Variants in VPS35L observed in about 807,000 individuals in gnomAD.
The protein encoded by VPS35L is VPS35 endosomal protein sorting factor like, also known as VPS35 endosomal protein-sorting factor-like.
VPS35L carries 83 observed loss-of-function variants against 133.0 expected under a neutral mutation model. The observed-to-expected ratio is 0.62, with a 90% CI of 0.52 to 0.75. VPS35L has a LOEUF of 0.75. Ranked by LOEUF, VPS35L falls within the 30% of genes least tolerant of loss-of-function variation. VPS35L has a pLI of 0.00. For missense variants in VPS35L, 1,083 were observed against 1,206.8 expected, an observed-to-expected ratio of 0.90 and a Z score of 1.52; for synonymous variants, 423 against 449.9, an observed-to-expected ratio of 0.94 and a Z score of 0.76.
At chr16:19,644,669 C>CAGCATATTTGAGGGAGATGAGA in intron 22 of VPS35L, among the ~76,000 whole-genome samples, 1 of 152,092 alleles carries the variant, frequency 6.6e-6, no homozygotes, top group Non-Finnish European at 1.5e-5. Context: ...ATCTTGAGAA[C>CAGCATATTTGAGGGAGATGAGA]AGCATATTTG....
chr16:19,627,451 C>T (rs1221336168), intron 15 of VPS35L, among the ~76,000 whole-genome samples: 1 of 152,152 alleles, frequency 6.6e-6, no homozygotes, highest in African/African-American at 2.4e-5. Context: ...TCTGTCTATC[C>T]ACCCTGCCAT....
chr16:19,622,855 G>T (rs1399905429), intron 14 of VPS35L, among the ~76,000 whole-genome samples: 1 of 152,146 alleles, frequency 6.6e-6, no homozygotes, highest in Admixed American at 6.5e-5. Context: ...GGGTGCTTTT[G>T]GCTGCAAGGA....
chr16:19,635,962 T>C (rs940258065), intron 19 of VPS35L, among the ~76,000 whole-genome samples: 1 of 152,190 alleles, frequency 6.6e-6, no homozygotes, highest in African/African-American at 2.4e-5. Context: ...GATGGGCGGA[T>C]TGCTTGAGCC....
At chr16:19,684,855 G>A (rs778518143) in intron 28 of VPS35L, among the ~76,000 whole-genome samples, 58 of 152,068 alleles carry the variant, frequency 3.8e-4, no homozygotes, top group Middle Eastern at 3.2e-3. Flanking sequence ...TCAGGAGTTC[G>A]AGGCTAGCCT....
At chr16:19,621,313 G>GGACAT (rs1973073112) in intron 14 of VPS35L, among the ~76,000 whole-genome samples, 1 of 152,208 alleles carries the variant, frequency 6.6e-6, no homozygotes, top group Non-Finnish European at 1.5e-5. Flanking sequence ...GTGATTTCTA[G>GGACAT]GACATGGAAG....
chr16:19,694,216 T>C (rs565344208), intron 29 of VPS35L: 1 of 152,116 alleles, frequency 6.6e-6, no homozygotes, highest in Non-Finnish European at 1.5e-5. Flanking sequence ...ACACAAATAT[T>C]ATGTATCAAT....
rs200709240 is a variant in VPS35L, at chr16:19,591,811, A to G, written c.661A>G (p.Thr221Ala). 2.0e-4 allele frequency: 327 copies of G among 1,612,750 alleles called. 1 individual carries two copies. The highest frequency in any genetic ancestry group is 1.1e-3 in the Admixed American group (64 of 59,942). ...TTAGTGTTCAAAGCTTCTTTCAGAC[A>G]CCAGTGTTATTCAGTTCTACCCAAG... ...VIQCSKLLSD[T>A]SVIQFYPSKF... Residue 221 changes from threonine to alanine, a missense_variant, in exon 8 of 31, where the codon ACC (threonine) becomes GCC (alanine). Transcript: ENST00000417362.
At chr16:19,594,087 T>C (rs1972127207) in intron 8 of VPS35L, among the ~76,000 whole-genome samples, 1 of 152,194 alleles carries the variant, frequency 6.6e-6, no homozygotes, top group Non-Finnish European at 1.5e-5. Flanking sequence ...TCCCATCTTA[T>C]TGGCCTGGCT....
chr16:19,617,450 C>T (rs1266099521), intron 14 of VPS35L: 1 of 155,344 alleles, frequency 6.4e-6, no homozygotes, highest in Non-Finnish European at 1.4e-5. Context: ...TGCGTCTTCA[C>T]TTAACCTTCA....
rs1972922577 is a variant in VPS35L at position 19,617,158 on chromosome 16, C to T, written c.1224+350C>T. On this transcript the variant is annotated intron_variant, in intron 14 of 30. Transcript: ENST00000417362. ...ATCACTTGATTTTAGGAGTTTGAGA[C>T]GAGCTTTGGCAACATAGCAAAACTC... is the stretch of plus-strand genomic sequence containing the variant. 2.4e-5 allele frequency: 13 copies of T among 542,500 alleles called. 1 individual carries two copies. Among genetic ancestry groups the T allele is most frequent in the East Asian group, 1.5e-4 (5 of 33,154 alleles). 33.6% of individuals were successfully genotyped at this position (542,500 alleles called of 1,614,324 possible).
At chr16:19,594,674 A>AAAAAG (rs1972151938) in intron 8 of VPS35L, among the ~76,000 whole-genome samples, 1 of 142,814 alleles carries the variant, frequency 7.0e-6, no homozygotes, top group Non-Finnish European at 1.5e-5. Flanking sequence ...AAAAAAAAGA[A>AAAAAG]GAGAAAAAAA....
At chr16:19,681,659 A>G (rs548879357) in intron 27 of VPS35L, among the ~76,000 whole-genome samples, 3 of 152,240 alleles carry the variant, frequency 2.0e-5, no homozygotes, top group Admixed American at 6.5e-5. Flanking sequence ...ACTGTTTGCT[A>G]TAAACTCTGT....
chr16:19,663,669 C>CTTTTTT lies in VPS35L; in HGVS notation c.2222-5468_2222-5463dup, dbSNP rs59826351. ...GCTTGGTGCAACAGTGCAGTAATTT[C>CTTTTTT]TTTTTTTTTTTTTTTTTTTTTTTTT... On this transcript the variant is annotated intron_variant, in intron 26 of 30. Transcript: ENST00000417362. Among the ~76,000 whole-genome samples the CTTTTTT allele has an allele frequency of 7.4e-4, 47 of 63,920 alleles. 2 individuals carry two copies. Among genetic ancestry groups the CTTTTTT allele is most frequent in the African/African-American group, 2.9e-3 (40 of 13,986 alleles). 41.9% of individuals were successfully genotyped at this position (63,920 alleles called of 152,430 possible).
At chr16:19,676,497 T>C (rs1975066906) in intron 27 of VPS35L, among the ~76,000 whole-genome samples, 1 of 152,238 alleles carries the variant, frequency 6.6e-6, no homozygotes, top group Admixed American at 6.5e-5. Flanking sequence ...GCTCATTTCA[T>C]GTAACAATGT....
intron 29 of VPS35L, among the ~76,000 whole-genome samples, chr16:19,693,366 C>T (rs1202473644): frequency 2.0e-5 from 3 of 152,026 alleles, no homozygotes; most frequent in Non-Finnish European, 4.4e-5. Context: ...ACAGGCCAGG[C>T]ACAATGCCTC....
At chr16:19,618,792 C>T (rs146182810) in intron 14 of VPS35L, among the ~76,000 whole-genome samples, 2,511 of 152,240 alleles carry the variant, frequency 0.016, 69 homozygotes, top group African/African-American at 0.056. Flanking sequence ...CTTAGTGTAG[C>T]GCCCCACATC....
chr16:19,555,759 C>G lies in VPS35L; in HGVS notation c.17+13C>G. On this transcript the variant is annotated intron_variant, in intron 1 of 30. Transcript: ENST00000417362. Reference sequence around the variant, plus strand: ...CCGTCTTTCCTTGGTAAGGAAGCAGCGGCGGGTGGGCTTTGGAGAGGGGCT... The same window carrying G: ...CCGTCTTTCCTTGGTAAGGAAGCAGGGGCGGGTGGGCTTTGGAGAGGGGCT... The G allele has an allele frequency of 6.4e-7, 1 of 1,569,516 alleles. No homozygotes were observed. The highest frequency in any genetic ancestry group is 1.2e-5 in the South Asian group (1 of 83,114).
rs1481057618 is a variant in VPS35L at position 19,664,359 on chromosome 16, C to G, written c.2222-4801C>G. On this transcript the variant is annotated intron_variant, in intron 26 of 30. Transcript: ENST00000417362. ...TGGCTGTCTGTGTTTGCTCTCTGCC[C>G]AGCAGAGAGCAGTGCCGTGAGATGC... Among the ~76,000 whole-genome samples the G allele has an allele frequency of 2.0e-5, 3 of 151,784 alleles. No homozygotes were observed. The East Asian group carries it at 5.8e-4, about 30-fold the overall frequency.
chr16:19,571,662 A>G (rs1050840360), intron 3 of VPS35L, among the ~76,000 whole-genome samples: 1 of 151,936 alleles, frequency 6.6e-6, no homozygotes, highest in African/African-American at 2.4e-5. Context: ...CTCCTGCCTC[A>G]GCCTACCTAG....
Sources: gnomAD v4.1 joint callset for allele counts (sites outside exome capture counted in the v4.1 genomes callset) on GRCh38, gnomAD v4.1.1 for gene constraint, MANE v1.5 for transcripts, NCBI Gene and HGNC (gene_info 2026-07-23, HGNC 2026-07-21) for gene names.